Variants in NSD1 observed in about 807,000 individuals in gnomAD.
NSD1 encodes histone-lysine N-methyltransferase, H3 lysine-36 specific.
Under a neutral mutation model 242.7 loss-of-function variants are expected in NSD1, and 26 were observed. The observed-to-expected ratio is 0.11, with a 90% CI of 0.08 to 0.15. The LOEUF (loss-of-function observed/expected upper bound fraction) is 0.15, where lower values mean the gene tolerates loss of function less well. Among genes scored for constraint, NSD1 ranks in the 10% least tolerant of loss-of-function variants. The pLI is 1.00. For missense variants in NSD1, 2,495 were observed against 3,272.8 expected, an observed-to-expected ratio of 0.76 and a Z score of 5.80; for synonymous variants, 1,106 against 1,178.1, an observed-to-expected ratio of 0.94 and a Z score of 1.25.
At chr5:177,222,309 A>T (rs1373713102) in intron 5 of NSD1, among the ~76,000 whole-genome samples, 4 of 152,000 alleles carry the variant, frequency 2.6e-5, no homozygotes, top group Admixed American at 2.6e-4. Context: ...TTGTGTTCTT[A>T]GTAGAGGCAG....
At chr5:177,176,969 A>T (rs1581212884) in intron 2 of NSD1, among the ~76,000 whole-genome samples, 3 of 152,252 alleles carry the variant, frequency 2.0e-5, no homozygotes, top group Admixed American at 2.0e-4. Flanking sequence ...CCCCTACTAG[A>T]ATTATTGTGA....
intron 2 of NSD1, among the ~76,000 whole-genome samples, chr5:177,164,760 A>T (rs1176773456): frequency 6.6e-6 from 1 of 151,986 alleles, no homozygotes; most frequent in African/African-American, 2.4e-5. Context: ...CCTGGCCAAT[A>T]TGGTGAAACT....
In NSD1 at chr5:177,297,749, G is replaced by C; in HGVS notation, c.*2290G>C. ...AGTAGCTTCTCTAAAGTAGGCTTTG[G>C]TAGGTAATCAACTTGACAGCAGTCT... is the stretch of plus-strand genomic sequence containing the variant. On this transcript the variant is annotated 3_prime_UTR_variant, in exon 23 of 23. Transcript: ENST00000439151. The C allele has an allele frequency of 4.3e-6, 1 of 233,072 alleles. No individual in the cohort carries two copies. Among genetic ancestry groups the C allele is most frequent in the East Asian group, 6.0e-5 (1 of 16,570 alleles). 14.4% of individuals were successfully genotyped at this position (233,072 alleles called of 1,614,324 possible).
intron 5 of NSD1, among the ~76,000 whole-genome samples, chr5:177,228,468 C>T (rs1446606616): frequency 4.6e-5 from 7 of 151,668 alleles, no homozygotes; most frequent in African/African-American, 7.3e-5. Context: ...CCACCTGCCT[C>T]GACCTCCCAA....
intron 2 of NSD1, among the ~76,000 whole-genome samples, chr5:177,142,330 AAG>A (rs1161474462): frequency 1.3e-5 from 2 of 152,336 alleles, no homozygotes; most frequent in African/African-American, 2.4e-5. Flanking sequence ...AAAAAAAGGA[AAG>A]AGATAGTTTG....
chr5:177,210,430 T>G lies in NSD1; in HGVS notation c.2031T>G (p.Ser677=), dbSNP rs143705256. 77 of 1,614,064 alleles carry G rather than the reference T, an allele frequency of 4.8e-5. No homozygotes were observed. Among genetic ancestry groups the G allele is most frequent in the Non-Finnish European group, 6.5e-5 (77 of 1,180,044 alleles). The stretch of plus-strand genomic sequence containing the variant: ...TCGATAGAACAGAGAACATGTTATC[T>G]ATGCAGAAAAATGAAAAGATAAAGT... ...DAFDRTENML[S]MQKNEKIKYS... The change falls in exon 5 of 23, where the codon TCT becomes TCG. Residue 677 remains serine, a synonymous_variant. Transcript: ENST00000439151.
chr5:177,195,634 A>G (rs947436481), intron 3 of NSD1, among the ~76,000 whole-genome samples: 1 of 152,014 alleles, frequency 6.6e-6, no homozygotes, highest in Non-Finnish European at 1.5e-5. Flanking sequence ...TGCCTGGCTT[A>G]GTTTTTAATT....
At chr5:177,158,998 TTATATATATATATA>T (rs10564918) in intron 2 of NSD1, among the ~76,000 whole-genome samples, 4 of 122,612 alleles carry the variant, frequency 3.3e-5, no homozygotes, top group African/African-American at 1.1e-4. Context: ...ATGAATGATT[TTATATATATATATA>T]TATATATATA....
intron 21 of NSD1, among the ~76,000 whole-genome samples, chr5:177,290,834 G>C (rs1759759535): frequency 6.6e-6 from 1 of 152,180 alleles, no homozygotes; most frequent in Non-Finnish European, 1.5e-5. Context: ...TGTTCCTTAA[G>C]ATGTTGACTT....
At chr5:177,144,024 G>A (rs562770385) in intron 2 of NSD1, among the ~76,000 whole-genome samples, 10 of 151,908 alleles carry the variant, frequency 6.6e-5, no homozygotes, top group African/African-American at 2.2e-4. Context: ...TCAGGTGATC[G>A]ACCCACCTCG....
intron 10 of NSD1, among the ~76,000 whole-genome samples, chr5:177,247,086 A>G (rs1766358212): frequency 6.6e-6 from 1 of 152,258 alleles, no homozygotes; most frequent in Non-Finnish European, 1.5e-5. Flanking sequence ...ACCGGAGAGT[A>G]CAATATCAAG....
intron 19 of NSD1, among the ~76,000 whole-genome samples, chr5:177,283,273 C>G (rs1444066982): frequency 1.3e-5 from 2 of 152,026 alleles, no homozygotes; most frequent in East Asian, 1.9e-4. Flanking sequence ...ATAATAAAAC[C>G]CTTTCTTGGT....
intron 20 of NSD1, among the ~76,000 whole-genome samples, chr5:177,288,127 T>A (rs1759482377): frequency 6.6e-6 from 1 of 152,226 alleles, no homozygotes; most frequent in Non-Finnish European, 1.5e-5. Flanking sequence ...TGAGTTTGAA[T>A]GTTTATTTCC....
Position 177,134,563 on chromosome 5 carries a change from T to C in NSD1, c.-17-524T>C, listed in dbSNP as rs1441188450. 1.3e-5 allele frequency among the ~76,000 whole-genome samples: 2 copies of C among 152,072 alleles called. No homozygotes were observed. The highest frequency in any genetic ancestry group is 6.5e-5 in the Admixed American group (1 of 15,280). The stretch of plus-strand genomic sequence containing the variant: ...CTGGGGTGCAGCCGCCTCGGCCGGC[T>C]CGCCTGCGGCCTGCGCACCGCCGCT... On this transcript the variant is annotated intron_variant, in intron 1 of 22. Coordinates refer to ENST00000439151, the MANE Select transcript of NSD1 (RefSeq NM_022455.5). This position sits in a 1 kb window ranked among gnomAD's most constrained non-coding sequence, Gnocchi z 4.2.
rs891034229 is a variant in NSD1, at chr5:177,260,374, T to C, written c.5146+206T>C. Among the ~76,000 whole-genome samples the C allele has an allele frequency of 2.3e-5, 3 of 129,480 alleles. 1 individual carries two copies. The allele number at this position is 129,480 out of a possible 152,430, so 84.9% of individuals were successfully genotyped here. On this transcript the variant is annotated intron_variant, in intron 14 of 22. Coordinates refer to ENST00000439151, the MANE Select transcript of NSD1 (RefSeq NM_022455.5). ...TTTTTTTTTTTTTTTTGAGACAACG[T>C]TTCACTCTGTTGCCCAGGCTGGAGT...
chr5:177,195,343 T>C (rs1043701575), intron 3 of NSD1, among the ~76,000 whole-genome samples: 45 of 152,236 alleles, frequency 3.0e-4, no homozygotes, highest in Admixed American at 1.9e-3. Context: ...TGTTGATACC[T>C]TATCCTTTGT....
chr5:177,242,785 C>T (rs1765984278), intron 8 of NSD1, among the ~76,000 whole-genome samples: 1 of 152,062 alleles, frequency 6.6e-6, no homozygotes, highest in Non-Finnish European at 1.5e-5. Context: ...TGCCTCGGCC[C>T]CCCAAAATGC....
intron 8 of NSD1, among the ~76,000 whole-genome samples, chr5:177,242,495 T>G (rs1490992812): frequency 6.8e-6 from 1 of 146,218 alleles, no homozygotes; most frequent in East Asian, 1.9e-4. Context: ...TTAGGAACTC[T>G]ACAACAAAAA....
chr5:177,163,331 C>T (rs887103557), intron 2 of NSD1, among the ~76,000 whole-genome samples: 25 of 151,732 alleles, frequency 1.6e-4, no homozygotes, highest in East Asian at 7.8e-4. Flanking sequence ...TTAGTAGAGA[C>T]GGGGTTTCAC....
Sources: allele counts gnomAD v4.1 joint callset (sites outside exome capture counted in the v4.1 genomes callset), GRCh38; gene constraint gnomAD v4.1.1; non-coding constraint Gnocchi (gnomAD v3.1); transcripts MANE v1.5; gene names NCBI Gene and HGNC (gene_info 2026-07-23, HGNC 2026-07-21).